The following ARMC8 variants were observed in gnomAD, a reference collection of about 807,000 sequenced individuals.
ARMC8 encodes the protein armadillo repeat-containing protein 8.
A neutral mutation model predicts 99.3 loss-of-function variants in ARMC8; 20 were observed. That is an observed-to-expected ratio of 0.20 (90% CI 0.14 to 0.29). The LOEUF is 0.29. Among genes scored for constraint, ARMC8 ranks in the 10% least tolerant of loss-of-function variants. ARMC8 has a pLI of 1.00. For synonymous variants in ARMC8, 263 were observed against 278.3 expected (o/e 0.95, Z 0.55); for missense variants, 569 against 809.5 (o/e 0.70, Z 3.60).
intron 14 of ARMC8, among the ~76,000 whole-genome samples, chr3:138,265,263 C>G (rs565700972): frequency 1.3e-5 from 2 of 152,000 alleles, no homozygotes; most frequent in East Asian, 1.9e-4. Context: ...TTTGTCCCCC[C>G]CAAAAAAGGT....
intron 12 of ARMC8, chr3:138,246,442 G>T (rs910232435): frequency 2.0e-6 from 2 of 985,246 alleles, no homozygotes; most frequent in African/African-American, 3.5e-5. Context: ...CCAATGTTCA[G>T]TTTGGGTACG....
Position 138,297,840 on chromosome 3 carries a change from C to CTA in ARMC8, c.*1951_*1952dup, listed in dbSNP as rs1416611850. 1.3e-5 allele frequency: 2 copies of CTA among 152,156 alleles called. No homozygotes were observed. The highest frequency in any genetic ancestry group is 4.8e-5 in the African/African-American group (2 of 41,418). The allele number at this position is 152,156 out of a possible 1,614,324, so 9.4% of individuals were successfully genotyped here. ...TGGTTGGCATTTTTAACACAAAACA[C>CTA]TATAGTGTTGGTATTAAATAGTACT... On this transcript the variant is annotated 3_prime_UTR_variant, in exon 22 of 22. Transcript: ENST00000469044.
At chr3:138,267,508 T>C (rs1318682885) in intron 15 of ARMC8, among the ~76,000 whole-genome samples, 1 of 152,230 alleles carries the variant, frequency 6.6e-6, no homozygotes, top group Non-Finnish European at 1.5e-5. Flanking sequence ...TGCCTGAAAC[T>C]GTGAATGTAA....
At chr3:138,262,251 A>C in intron 12 of ARMC8, 1 of 297,472 alleles carries the variant, frequency 3.4e-6, no homozygotes. Context: ...TAGGGGCTAG[A>C]GGTGACAATG....
chr3:138,268,240 C>T (rs1161473736), intron 15 of ARMC8, among the ~76,000 whole-genome samples: 1 of 151,822 alleles, frequency 6.6e-6, no homozygotes, highest in Non-Finnish European at 1.5e-5. Flanking sequence ...GAGACTCCAT[C>T]TAAAAAATAA....
chr3:138,225,761 G>C (rs972962032), intron 5 of ARMC8, among the ~76,000 whole-genome samples: 5 of 152,144 alleles, frequency 3.3e-5, no homozygotes, highest in African/African-American at 1.2e-4. Context: ...GTACACACAG[G>C]AGTCAGAGAT....
intron 18 of ARMC8, among the ~76,000 whole-genome samples, chr3:138,283,755 G>A (rs1402244530): frequency 6.6e-6 from 1 of 152,246 alleles, no homozygotes; most frequent in African/African-American, 2.4e-5. Context: ...CATCAGTGCA[G>A]TGGTTGTCCT....
intron 11 of ARMC8, among the ~76,000 whole-genome samples, chr3:138,242,646 G>A (rs2046682761): frequency 6.6e-6 from 1 of 152,160 alleles, no homozygotes; most frequent in African/African-American, 2.4e-5. Flanking sequence ...TATTCAAGGA[G>A]GTCATGGTAG....
chr3:138,277,473 C>T (rs530329485), intron 18 of ARMC8, among the ~76,000 whole-genome samples: 15 of 152,260 alleles, frequency 9.9e-5, no homozygotes, highest in South Asian at 4.1e-4. Flanking sequence ...AGCCATCCAC[C>T]GGAAGGAATA....
intron 14 of ARMC8, among the ~76,000 whole-genome samples, 190 bp from the exon 15 acceptor site, chr3:138,266,965 C>T (rs78741481): frequency 3.3e-5 from 5 of 152,114 alleles, no homozygotes; most frequent in African/African-American, 7.2e-5. Context: ...GATTTGAGGG[C>T]GTTAGTCCGT....
chr3:138,278,993 C>T (rs9846722), intron 18 of ARMC8, among the ~76,000 whole-genome samples: 83,824 of 151,928 alleles, frequency 0.55, 23,500 homozygotes, highest in East Asian at 0.83. Context: ...AGCTTTATTT[C>T]TTACTTTCCA....
chr3:138,274,196 T>TTATGTATG (rs562378964), intron 17 of ARMC8, among the ~76,000 whole-genome samples: 1 of 151,820 alleles, frequency 6.6e-6, no homozygotes, highest in Non-Finnish European at 1.5e-5. Context: ...CAGGTCAACT[T>TTATGTATG]TATGTATGTA....
intron 21 of ARMC8, 123 bp downstream of exon 21, chr3:138,290,762 C>A: frequency 1.5e-6 from 1 of 687,034 alleles, no homozygotes; most frequent in Non-Finnish European, 2.4e-6. Flanking sequence ...AGATTTTCTT[C>A]ATAATTTTCT....
chr3:138,240,079 C>A (rs2046535621), intron 10 of ARMC8, among the ~76,000 whole-genome samples: 1 of 152,134 alleles, frequency 6.6e-6, no homozygotes, highest in South Asian at 2.1e-4. Flanking sequence ...TTTTAGCACT[C>A]CCACCTCTGA....
chr3:138,289,497 G>A (rs1577048178), intron 20 of ARMC8, among the ~76,000 whole-genome samples: 1 of 152,202 alleles, frequency 6.6e-6, no homozygotes. Context: ...AGGACTACAG[G>A]CAGATAAGCA....
intron 21 of ARMC8, among the ~76,000 whole-genome samples, chr3:138,294,632 T>C (rs1203507188): frequency 1.3e-5 from 2 of 152,226 alleles, no homozygotes; most frequent in Non-Finnish European, 2.9e-5. Context: ...ATGCATAGTC[T>C]ACTTGGTATT....
intron 12 of ARMC8, among the ~76,000 whole-genome samples, chr3:138,247,564 A>G (rs1017435843): frequency 1.3e-5 from 2 of 152,222 alleles, no homozygotes; most frequent in East Asian, 1.9e-4. Context: ...GGTAAATAAC[A>G]TGTATTCTAG....
At chr3:138,211,701 C>A (rs2044703721) in intron 2 of ARMC8, among the ~76,000 whole-genome samples, 1 of 152,182 alleles carries the variant, frequency 6.6e-6, no homozygotes, top group East Asian at 1.9e-4. Flanking sequence ...CTGACATTTT[C>A]TGTTATGGTC....
At chr3:138,294,734 G>A (rs746832672) in intron 21 of ARMC8, among the ~76,000 whole-genome samples, 4 of 151,992 alleles carry the variant, frequency 2.6e-5, no homozygotes, top group Non-Finnish European at 4.4e-5. Flanking sequence ...TAACTCCCAC[G>A]ATTACAGCCT....
Sources: allele counts gnomAD v4.1 joint callset (sites outside exome capture counted in the v4.1 genomes callset), GRCh38; gene constraint gnomAD v4.1.1; transcripts MANE v1.5; gene names NCBI Gene and HGNC (gene_info 2026-07-23, HGNC 2026-07-21).